FRMPD4: variants seen among roughly 807,000 people sequenced by gnomAD.
FRMPD4 encodes the protein FERM and PDZ domain-containing protein 4.
A neutral mutation model predicts 94.1 loss-of-function variants in FRMPD4; 22 were observed. The ratio of observed to expected loss-of-function variants is 0.23; its 90% CI spans 0.17 to 0.33. The LOEUF (loss-of-function observed/expected upper bound fraction) is 0.33, where lower values mean the gene tolerates loss of function less well. FRMPD4 is among the 10% of genes least tolerant of loss of function. FRMPD4 has a pLI of 1.00. For synonymous variants in FRMPD4, 631 were observed against 548.6 expected (o/e 1.15, Z -2.10); for missense variants, 1,111 against 1,339.9 (o/e 0.83, Z 2.67).
intron 1 of FRMPD4, among the ~76,000 whole-genome samples, chrX:12,180,464 A>T (rs764598632): frequency 1.8e-5 from 2 of 112,125 alleles, no homozygotes; most frequent in Non-Finnish European, 3.8e-5. Context: ...GCAATACATC[A>T]TGGATCAATT....
upstream of FRMPD4, among the ~76,000 whole-genome samples, chrX:12,137,093 A>G (rs1481397988): frequency 8.9e-6 from 1 of 112,088 alleles, no homozygotes; most frequent in African/African-American, 3.2e-5. Context: ...AACTATAATT[A>G]TTTTACAAAC....
intron 1 of FRMPD4, among the ~76,000 whole-genome samples, chrX:12,454,390 A>G (rs1601961612): frequency 1.8e-5 from 2 of 112,131 alleles, no homozygotes; most frequent in African/African-American, 6.5e-5. Context: ...TTGCTCTATA[A>G]TCTCTTCTAA....
chrX:12,576,535 G>C (rs1308320251), intron 2 of FRMPD4, among the ~76,000 whole-genome samples: 1 of 112,778 alleles, frequency 8.9e-6, no homozygotes, highest in Admixed American at 9.4e-5. Flanking sequence ...AAACCTGCCA[G>C]TCTTTTCTTT....
chrX:11,845,009 A>G (rs184055227), intron 1 of FRMPD4, among the ~76,000 whole-genome samples: 4 of 112,232 alleles, frequency 3.6e-5, no homozygotes, highest in African/African-American at 1.3e-4. Context: ...ATTTCTGTTT[A>G]ATTTCTTACA....
chrX:12,262,884 G>A (rs2054214022), intron 1 of FRMPD4, among the ~76,000 whole-genome samples: 1 of 111,811 alleles, frequency 8.9e-6, no homozygotes, highest in Non-Finnish European at 1.9e-5. Flanking sequence ...GTGTGGTTGT[G>A]CAGGTATTCT....
chrX:12,692,141 A>G, intron 8 of FRMPD4, among the ~76,000 whole-genome samples: 1 of 112,433 alleles, frequency 8.9e-6, no homozygotes, highest in East Asian at 2.8e-4. Context: ...AAAATTCTCT[A>G]AAAGTCTCTT....
chrX:12,222,779 A>G (rs758045913), intron 1 of FRMPD4, among the ~76,000 whole-genome samples: 110 of 112,077 alleles, frequency 9.8e-4, no homozygotes, highest in Non-Finnish European at 1.6e-3. Flanking sequence ...TTCTTAGTGT[A>G]TTGTTCTTGA....
chrX:12,678,399 C>A (rs1184019156), intron 5 of FRMPD4, among the ~76,000 whole-genome samples: 6 of 112,608 alleles, frequency 5.3e-5, no homozygotes, highest in East Asian at 2.8e-4. Flanking sequence ...CGTCTTCTTT[C>A]CTTGTACTGT....
At chrX:12,295,417 G>C (rs1051361538) in intron 1 of FRMPD4, among the ~76,000 whole-genome samples, 1 of 112,264 alleles carries the variant, frequency 8.9e-6, no homozygotes, top group African/African-American at 3.2e-5. Flanking sequence ...GCTGTGGTCT[G>C]CCTTCTAGAA....
At chrX:12,442,697 G>C (rs1446822880) in intron 1 of FRMPD4, among the ~76,000 whole-genome samples, 1 of 111,543 alleles carries the variant, frequency 9.0e-6, no homozygotes, top group Non-Finnish European at 1.9e-5. Context: ...GTTACACAGA[G>C]AGTTATTATA....
chrX:12,422,961 T>C (rs2056902152), intron 1 of FRMPD4, among the ~76,000 whole-genome samples: 1 of 111,416 alleles, frequency 9.0e-6, no homozygotes, highest in Non-Finnish European at 1.9e-5. Flanking sequence ...GCATATGTCA[T>C]GTTTGTTCAA....
intron 1 of FRMPD4, among the ~76,000 whole-genome samples, chrX:12,358,546 G>A (rs1230836283): frequency 1.8e-5 from 2 of 111,124 alleles, no homozygotes; most frequent in Non-Finnish European, 3.8e-5. Context: ...CCATTTACTT[G>A]GACTTTACAA....
At chrX:12,131,389 T>C (rs988038930) in intron 3 of FRMPD4, among the ~76,000 whole-genome samples, 4 of 112,176 alleles carry the variant, frequency 3.6e-5, no homozygotes, top group Non-Finnish European at 7.5e-5. Flanking sequence ...GAAGATTCAC[T>C]TGTGTATCTG....
chrX:12,707,190 A>C (rs1010100088), intron 12 of FRMPD4, among the ~76,000 whole-genome samples: 3 of 111,593 alleles, frequency 2.7e-5, no homozygotes, highest in Non-Finnish European at 3.8e-5. Flanking sequence ...TCACAGTGAA[A>C]AAAGGAAAAC....
At chrX:12,712,232 CAG>C (rs1326926166) in intron 14 of FRMPD4, among the ~76,000 whole-genome samples, 3 of 100,933 alleles carry the variant, frequency 3.0e-5, no homozygotes, top group Admixed American at 1.1e-4. Flanking sequence ...AAAAAAAAAA[CAG>C]AGGCAGAAAG....
At chrX:12,398,968 A>T (rs1011974887) in intron 1 of FRMPD4, among the ~76,000 whole-genome samples, 10 of 110,524 alleles carry the variant, frequency 9.0e-5, no homozygotes, top group Non-Finnish European at 1.1e-4. Flanking sequence ...CTTTTTTTTT[A>T]AATTCATGTT....
intron 1 of FRMPD4, among the ~76,000 whole-genome samples, chrX:12,212,916 A>T (rs959154330): frequency 2.7e-5 from 3 of 111,371 alleles, no homozygotes; most frequent in African/African-American, 9.8e-5. Context: ...TCTTCTGAGA[A>T]GTCTGGACTG....
intron 4 of FRMPD4, among the ~76,000 whole-genome samples, chrX:12,645,770 A>T (rs2059542676): frequency 8.9e-6 from 1 of 111,957 alleles, no homozygotes; most frequent in Non-Finnish European, 1.9e-5. Context: ...GACATTAAGG[A>T]AACTCAAGAA....
intron 3 of FRMPD4, among the ~76,000 whole-genome samples, chrX:11,969,112 A>G (rs758401574): frequency 6.2e-5 from 7 of 112,675 alleles, no homozygotes; most frequent in Non-Finnish European, 1.3e-4. Context: ...TTTGGCTTCA[A>G]CATTCTGGAT....
Sources: allele counts gnomAD v4.1 joint callset (sites outside exome capture counted in the v4.1 genomes callset), GRCh38; gene constraint gnomAD v4.1.1; transcripts MANE v1.5; gene names NCBI Gene and HGNC (gene_info 2026-07-23, HGNC 2026-07-21).